The following NRXN1 variants were observed in gnomAD, a reference collection of about 807,000 sequenced individuals.
The protein encoded by NRXN1 is neurexin 1.
In NRXN1, 39 loss-of-function variants were observed where a neutral mutation model predicts 150.9. That is an observed-to-expected ratio of 0.26 (90% confidence interval 0.20 to 0.34). The LOEUF is 0.34. Among genes scored for constraint, NRXN1 ranks in the 10% least tolerant of loss-of-function variants. NRXN1 has a pLI of 1.00. For synonymous variants in NRXN1, 924 were observed against 757.0 expected (o/e 1.22, Z -3.62); for missense variants, 1,815 against 1,949.9 (o/e 0.93, Z 1.30).
chr2:51,023,035 C>T (rs919538404), intron 2 of NRXN1, among the ~76,000 whole-genome samples: 1 of 152,164 alleles, frequency 6.6e-6, no homozygotes, highest in African/African-American at 2.4e-5. Context: ...AATGGCCTTA[C>T]ATTTCAACAC....
rs111310187 is a variant in NRXN1 at position 50,356,443 on chromosome 2, G to A, written c.3364+108999C>T. ...CCTGTATAAGAAATATATGACCTCT[G>A]AGGCATTTTGAAAAATTATTAATCA... On this transcript the variant is annotated intron_variant, in intron 17 of 22. Coordinates refer to ENST00000401669, the MANE Select transcript of NRXN1 (RefSeq NM_001330078.2). Among the ~76,000 whole-genome samples the A allele has an allele frequency of 2.0e-3, 301 of 152,236 alleles. 1 individual carries two copies. The highest frequency in any genetic ancestry group is 7.0e-3 in the African/African-American group (289 of 41,552).
chr2:50,446,048 T>C (rs1055289421), intron 17 of NRXN1, among the ~76,000 whole-genome samples: 8 of 152,212 alleles, frequency 5.3e-5, no homozygotes, highest in Middle Eastern at 3.4e-3. Flanking sequence ...TACTGTATTG[T>C]ATCATATTAT....
intron 17 of NRXN1, among the ~76,000 whole-genome samples, chr2:50,451,115 T>C (rs1046567620): frequency 6.6e-6 from 1 of 152,070 alleles, no homozygotes; most frequent in Non-Finnish European, 1.5e-5. Flanking sequence ...TACAGGTGCA[T>C]GCCACCACAC....
chr2:50,053,369 G>C lies in NRXN1; in HGVS notation c.4030C>G (p.Gln1344Glu). 1.2e-6 allele frequency: 2 copies of C among 1,614,020 alleles called. No homozygotes were observed. Among genetic ancestry groups the C allele is most frequent in the Non-Finnish European group, 1.7e-6 (2 of 1,179,924 alleles). Residue 1344 changes from glutamine to glutamate, a missense_variant, in exon 21 of 23, where the codon CAA (glutamine) becomes GAA (glutamate). This residue lies in a region of NRXN1 where 265 missense variants were observed against 307.1 expected (regional missense o/e 0.86). Transcript: ENST00000401669. ...MTTESTATAM[Q>E]SEMSTSIMET... is the part of the protein sequence containing the mutation. The stretch of plus-strand genomic sequence containing the variant: ...ATAATTGATGTGGACATCTCTGATT[G>C]CATGGCAGTGGCTGTTGACTCAGTT...
intron 5 of NRXN1, among the ~76,000 whole-genome samples, chr2:50,803,512 T>C (rs1406099198): frequency 6.6e-6 from 1 of 152,216 alleles, no homozygotes; most frequent in Admixed American, 6.5e-5. Context: ...TTTCTTTGCA[T>C]TTTCAATGTA....
intron 17 of NRXN1, among the ~76,000 whole-genome samples, chr2:50,248,410 TG>T (rs985982420): frequency 3.3e-5 from 5 of 152,194 alleles, no homozygotes; most frequent in African/African-American, 1.2e-4. Flanking sequence ...TTTGAGATTT[TG>T]TTTGGCTATA....
chr2:51,023,743 A>G (rs1669990698), intron 2 of NRXN1, among the ~76,000 whole-genome samples: 1 of 152,216 alleles, frequency 6.6e-6, no homozygotes, highest in South Asian at 2.1e-4. Flanking sequence ...AACAATCAGT[A>G]CTTGCTGAAT....
At chr2:50,508,131 T>C (rs1039951862) in intron 12 of NRXN1, among the ~76,000 whole-genome samples, 2 of 152,186 alleles carry the variant, frequency 1.3e-5, no homozygotes, top group Non-Finnish European at 2.9e-5. Context: ...ATTTCTCTCT[T>C]ATGGTGCTAC....
intron 8 of NRXN1, among the ~76,000 whole-genome samples, chr2:50,606,840 A>G (rs1023792043): frequency 6.6e-6 from 1 of 152,172 alleles, no homozygotes; most frequent in African/African-American, 2.4e-5. Flanking sequence ...CTAGGAATGC[A>G]AAATTCTTCC....
intron 5 of NRXN1, among the ~76,000 whole-genome samples, chr2:50,639,965 T>A (rs1683825618): frequency 6.6e-6 from 1 of 152,194 alleles, no homozygotes; most frequent in Non-Finnish European, 1.5e-5. Flanking sequence ...CTCTATATCA[T>A]TTTGTAATAA....
intron 5 of NRXN1, among the ~76,000 whole-genome samples, chr2:50,827,616 A>C (rs1489062869): frequency 2.0e-5 from 3 of 152,336 alleles, no homozygotes; most frequent in Non-Finnish European, 2.9e-5. Context: ...TTATTTATTT[A>C]GTTTTTTAAT....
At chr2:50,281,316 C>CACAAAAAAAAAAAAACAAACAAAAAA (rs1187135501) in intron 17 of NRXN1, among the ~76,000 whole-genome samples, 47 of 124,706 alleles carry the variant, frequency 3.8e-4, no homozygotes, top group African/African-American at 1.0e-3. Context: ...GACTCCGTCT[C>CACAAAAAAAAAAAAACAAACAAAAAA]AAAAACAATA....
At chr2:50,221,551 C>T (rs952578461) in intron 18 of NRXN1, among the ~76,000 whole-genome samples, 13 of 151,904 alleles carry the variant, frequency 8.6e-5, no homozygotes, top group African/African-American at 3.1e-4. Flanking sequence ...ATCTCACATG[C>T]TTAAATTATA....
At chr2:50,257,603 AG>A (rs753150279) in intron 17 of NRXN1, among the ~76,000 whole-genome samples, 33 of 152,150 alleles carry the variant, frequency 2.2e-4, no homozygotes, top group Non-Finnish European at 1.9e-4. Flanking sequence ...AGTATCTGAA[AG>A]GGTAAGAGCC....
chr2:50,429,116 A>T (rs2084738191), intron 17 of NRXN1, among the ~76,000 whole-genome samples: 1 of 152,180 alleles, frequency 6.6e-6, no homozygotes, highest in African/African-American at 2.4e-5. Context: ...TACATTTAGA[A>T]TTAAAAGTAG....
At position 50,271,505 on chromosome 2, in the gene NRXN1, T is replaced by A. The variant is rs1302748426; in HGVS notation, c.3365-34535A>T. On this transcript the variant is annotated intron_variant, in intron 17 of 22. Transcript: ENST00000401669. ...TAAAATTCTATTCTATTTTCTTCAG[T>A]CTTACTGAAAATGGTGCTTTCTGTC... Among the ~76,000 whole-genome samples, 3 of 152,262 alleles carry A rather than the reference T, an allele frequency of 2.0e-5. No homozygotes were observed. In the East Asian group the frequency reaches 5.8e-4, roughly 29 times the overall value.
chr2:50,593,406 T>C (rs982836056), intron 8 of NRXN1, among the ~76,000 whole-genome samples: 1 of 152,228 alleles, frequency 6.6e-6, no homozygotes, highest in Admixed American at 6.5e-5. Flanking sequence ...AGCATGTATA[T>C]TTCTCTCATA....
chr2:50,102,902 A>G (rs1275039983), intron 18 of NRXN1, among the ~76,000 whole-genome samples: 1 of 152,096 alleles, frequency 6.6e-6, no homozygotes, highest in Non-Finnish European at 1.5e-5. Context: ...AAATATTTGT[A>G]TAAGATATAA....
At chr2:50,207,077 T>C (rs984601696) in intron 18 of NRXN1, among the ~76,000 whole-genome samples, 14 of 152,084 alleles carry the variant, frequency 9.2e-5, no homozygotes, top group African/African-American at 3.4e-4. Flanking sequence ...CATAAAAGTA[T>C]GTTAGATGCT....
Sources: gnomAD v4.1 joint callset for allele counts (sites outside exome capture counted in the v4.1 genomes callset) on GRCh38, gnomAD v4.1.1 for gene constraint, gnomAD v4.1.1 regional missense constraint, MANE v1.5 for transcripts, NCBI Gene and HGNC (gene_info 2026-07-23, HGNC 2026-07-21) for gene names.